B4GALT6: variants seen among roughly 807,000 people sequenced by gnomAD.
B4GALT6 encodes UDP-Gal:beta-GlcNAc beta-1,4-galactosyltransferase 6.
Under a neutral mutation model 46.3 loss-of-function variants are expected in B4GALT6, and 14 were observed. That is an observed-to-expected ratio of 0.30 (90% CI 0.20 to 0.47). The LOEUF is 0.47. B4GALT6 is among the 20% of genes least tolerant of loss of function. The probability of loss-of-function intolerance (pLI) is 0.99; values close to 1 mark genes in which losing one functional copy is unlikely to be tolerated. For missense variants in B4GALT6, 386 were observed against 480.1 expected (o/e 0.80, Z 1.83); for synonymous variants, 168 against 162.0 (o/e 1.04, Z -0.28).
chr18:31,622,363 G>A lies in B4GALT6; in HGVS notation c.*3251C>T, dbSNP rs1049229997. On this transcript the variant is annotated 3_prime_UTR_variant, in exon 9 of 9. Coordinates refer to ENST00000306851, the MANE Select transcript of B4GALT6 (RefSeq NM_004775.5). ...CTAGCATTTATTTCAGTGCATTTAT[G>A]TAGAAGCCTTTCATCTAAATAAATA... 7.9e-5 allele frequency: 12 copies of A among 152,056 alleles called. No individual in the cohort carries two copies. Among genetic ancestry groups the A allele is most frequent in the African/African-American group, 2.9e-4 (12 of 41,448 alleles). 9.4% of individuals were successfully genotyped at this position (152,056 alleles called of 1,614,324 possible). A position where few individuals can be genotyped will look rare whatever the true frequency, so the allele number is the denominator to read the frequency against.
In B4GALT6 at chr18:31,658,049, T is replaced by C; in HGVS notation, c.273A>G (p.Gln91=). The change falls in exon 3 of 9, where the codon CAA becomes CAG. Residue 91 remains glutamine, a synonymous_variant. Coordinates refer to ENST00000306851, the MANE Select transcript of B4GALT6 (RefSeq NM_004775.5). ...AGTTTTCCGGGAGATACGTTGTTGT[T>C]TGAACAAGATAATCACTTGAATTAT... The part of the protein sequence containing the change: ...EGNNSSDYLV[Q]TTTYLPENFT... The C allele has an allele frequency of 6.2e-7, 1 of 1,613,632 alleles. No homozygotes were observed. The highest frequency in any genetic ancestry group is 1.1e-5 in the South Asian group (1 of 91,050).
At chr18:31,703,293 C>G in the B4GALT6 span, among the ~76,000 whole-genome samples, 1 of 151,928 alleles carries the variant, frequency 6.6e-6, no homozygotes, top group Non-Finnish European at 1.5e-5. Context: ...TACAAGGGCT[C>G]AGAAAATGTG....
intron 1 of B4GALT6, among the ~76,000 whole-genome samples, chr18:31,681,635 C>A (rs1016460220): frequency 6.6e-6 from 1 of 152,166 alleles, no homozygotes; most frequent in Admixed American, 6.5e-5. Context: ...GATTACGCTG[C>A]CTACAACTGT....
intron 1 of B4GALT6, among the ~76,000 whole-genome samples, chr18:31,678,792 C>G (rs2074446239): frequency 6.6e-6 from 1 of 152,200 alleles, no homozygotes; most frequent in African/African-American, 2.4e-5. Context: ...GCTTCTATGC[C>G]CAAGTTTCCC....
chr18:31,648,252 T>A (rs1031569572), intron 3 of B4GALT6, among the ~76,000 whole-genome samples: 2 of 152,238 alleles, frequency 1.3e-5, no homozygotes, highest in South Asian at 4.1e-4. Flanking sequence ...AAGTGGTTTC[T>A]TTCCCAGTTA....
At chr18:31,634,863 TA>T (rs1168287428) in intron 5 of B4GALT6, among the ~76,000 whole-genome samples, 9 of 152,076 alleles carry the variant, frequency 5.9e-5, no homozygotes, top group African/African-American at 1.9e-4. Context: ...GGTTTGAAAA[TA>T]AAAACGCAGA....
chr18:31,704,508 T>C, the B4GALT6 span, among the ~76,000 whole-genome samples: 1 of 152,162 alleles, frequency 6.6e-6, no homozygotes, highest in African/African-American at 2.4e-5. Context: ...CTGGCTGCAA[T>C]CTTTCTTATA....
the B4GALT6 span, among the ~76,000 whole-genome samples, chr18:31,693,119 C>G: frequency 6.6e-6 from 1 of 152,214 alleles, no homozygotes; most frequent in Non-Finnish European, 1.5e-5. Flanking sequence ...CCTCAGCTAC[C>G]TCCTGATTCT....
chr18:31,659,154 A>C (rs1385494197), intron 2 of B4GALT6, among the ~76,000 whole-genome samples: 1 of 152,212 alleles, frequency 6.6e-6, no homozygotes, highest in Admixed American at 6.5e-5. Flanking sequence ...CAGAAAGTGA[A>C]ACTCTAGCAG....
At chr18:31,692,504 A>G in the B4GALT6 span, among the ~76,000 whole-genome samples, 1 of 152,188 alleles carries the variant, frequency 6.6e-6, no homozygotes, top group African/African-American at 2.4e-5. Context: ...AATGTCTTTT[A>G]TAGAGGCTAG....
chr18:31,698,271 C>T, the B4GALT6 span, among the ~76,000 whole-genome samples: 1 of 152,148 alleles, frequency 6.6e-6, no homozygotes, highest in Admixed American at 6.5e-5. Flanking sequence ...GGAGGCTTCC[C>T]TCTTAAATAC....
chr18:31,649,988 T>C (rs1280551551), intron 3 of B4GALT6, among the ~76,000 whole-genome samples: 1 of 152,238 alleles, frequency 6.6e-6, no homozygotes. Context: ...TTCACAATAG[T>C]GAATTCACAG....
chr18:31,670,225 T>C (rs552006977), intron 1 of B4GALT6, among the ~76,000 whole-genome samples: 19 of 152,138 alleles, frequency 1.2e-4, no homozygotes, highest in African/African-American at 4.3e-4. Flanking sequence ...ACCTAATTTT[T>C]TGTATTTTTT....
chr18:31,693,153 T>G, the B4GALT6 span, among the ~76,000 whole-genome samples: 2 of 152,216 alleles, frequency 1.3e-5, no homozygotes, highest in Non-Finnish European at 2.9e-5. Flanking sequence ...ACCTTAACTT[T>G]GGAAGTCAAT....
At chr18:31,661,975 T>C (rs1163447153) in intron 2 of B4GALT6, among the ~76,000 whole-genome samples, 1 of 152,218 alleles carries the variant, frequency 6.6e-6, no homozygotes, top group Non-Finnish European at 1.5e-5. Flanking sequence ...CATGCTATGA[T>C]TCTCTGAACC....
chr18:31,716,906 C>G, the B4GALT6 span, among the ~76,000 whole-genome samples: 2 of 152,226 alleles, frequency 1.3e-5, no homozygotes, highest in Admixed American at 6.5e-5. Context: ...TAGAGACCAG[C>G]CCGGCCAACA....
chr18:31,715,013 A>G, the B4GALT6 span, among the ~76,000 whole-genome samples: 1 of 152,176 alleles, frequency 6.6e-6, no homozygotes, highest in East Asian at 1.9e-4. Flanking sequence ...GTTTATTATA[A>G]GTATGTCCAG....
chr18:31,708,931 G>A, the B4GALT6 span, among the ~76,000 whole-genome samples: 1 of 152,206 alleles, frequency 6.6e-6, no homozygotes, highest in Admixed American at 6.5e-5. Context: ...TTTTCATTTT[G>A]TCAGTGCTTC....
chr18:31,659,148 A>G (rs2074180344), intron 2 of B4GALT6, among the ~76,000 whole-genome samples: 1 of 152,240 alleles, frequency 6.6e-6, no homozygotes, highest in South Asian at 2.1e-4. Flanking sequence ...GTACTACAGA[A>G]AGTGAAACTC....
Sources: gnomAD v4.1 joint callset for allele counts (sites outside exome capture counted in the v4.1 genomes callset) on GRCh38, gnomAD v4.1.1 for gene constraint, MANE v1.5 for transcripts, NCBI Gene and HGNC (gene_info 2026-07-23, HGNC 2026-07-21) for gene names.